The following ZNF362 variants were observed in gnomAD, a reference collection of about 807,000 sequenced individuals.
ZNF362 encodes rotund homolog.
In ZNF362, 11 loss-of-function variants were observed where a neutral mutation model predicts 42.9. The observed-to-expected ratio is 0.26, with a 90% CI of 0.16 to 0.42. The LOEUF (loss-of-function observed/expected upper bound fraction) is 0.42. ZNF362 is among the 20% of genes least tolerant of loss of function. The pLI is 1.00. For synonymous variants in ZNF362, 255 were observed against 257.3 expected, an observed-to-expected ratio of 0.99 and a Z score of 0.09; for missense variants, 362 against 576.2, an observed-to-expected ratio of 0.63 and a Z score of 3.81.
rs912972391 is a variant in ZNF362 at position 33,280,987 on chromosome 1, C to T, written c.683+530C>T. On this transcript the variant is annotated intron_variant, in intron 5 of 8. Coordinates refer to ENST00000539719, the MANE Select transcript of ZNF362 (RefSeq NM_152493.3). The surrounding 1 kb of genome is among the most constrained non-coding windows in gnomAD (Gnocchi z 5.6). ...AGGAGGCTGAGGCAAGAGAATAACT[C>T]GAACTTGGGAGGCAGAGGCTGCAGT... 7.2e-5 allele frequency among the ~76,000 whole-genome samples: 11 copies of T among 152,056 alleles called. No homozygotes were observed. The highest frequency in any genetic ancestry group is 2.2e-4 in the African/African-American group (9 of 41,408).
At chr1:33,223,376 G>A in the ZNF362 span, among the ~76,000 whole-genome samples, 7 of 152,190 alleles carry the variant, frequency 4.6e-5, no homozygotes, top group Admixed American at 1.3e-4. Flanking sequence ...CCCCACCCAC[G>A]TGGAACTGTA....
the ZNF362 span, chr1:33,146,450 G>C: frequency 6.3e-6 from 1 of 159,224 alleles, no homozygotes; most frequent in African/African-American, 2.4e-5. Flanking sequence ...TTGTCCTGCA[G>C]TTGCTTTTAG....
At chr1:33,187,524 G>A in the ZNF362 span, among the ~76,000 whole-genome samples, 1 of 152,194 alleles carries the variant, frequency 6.6e-6, no homozygotes, top group Admixed American at 6.5e-5. Flanking sequence ...AGACCCCACT[G>A]CTGTAGTTGG....
At chr1:33,267,433 A>G (rs1447174371) in intron 1 of ZNF362, among the ~76,000 whole-genome samples, 1 of 152,162 alleles carries the variant, frequency 6.6e-6, no homozygotes, top group Non-Finnish European at 1.5e-5. Context: ...TGCTCCATCT[A>G]TACATGCAGT....
upstream of ZNF362, among the ~76,000 whole-genome samples, chr1:33,254,207 A>G (rs902276869): frequency 4.0e-5 from 6 of 151,896 alleles, no homozygotes; most frequent in Non-Finnish European, 8.8e-5. Flanking sequence ...GCTCACTGCA[A>G]CTTCCACCTC....
the ZNF362 span, among the ~76,000 whole-genome samples, chr1:33,187,267 T>G: frequency 6.6e-6 from 1 of 152,312 alleles, no homozygotes; most frequent in South Asian, 2.1e-4. Context: ...TTAGCTACCA[T>G]GTGGATGCTG....
chr1:33,275,967 T>C (rs1570394269), intron 2 of ZNF362, 133 bp from the exon 3 acceptor site: 1 of 931,154 alleles, frequency 1.1e-6, no homozygotes, highest in East Asian at 2.5e-5. Flanking sequence ...CCTGCTGTGC[T>C]GTGAGGCTGG....
chr1:33,204,486 A>C, the ZNF362 span, among the ~76,000 whole-genome samples: 1 of 152,286 alleles, frequency 6.6e-6, no homozygotes, highest in African/African-American at 2.4e-5. Flanking sequence ...AAATTTTAGA[A>C]TTGCTTTTCC....
At chr1:33,268,839 C>T (rs1317683301) in intron 1 of ZNF362, among the ~76,000 whole-genome samples, 1 of 152,138 alleles carries the variant, frequency 6.6e-6, no homozygotes, top group South Asian at 2.1e-4. Flanking sequence ...AAGTAGGGAG[C>T]TATGGAGGGT....
the ZNF362 span, among the ~76,000 whole-genome samples, chr1:33,248,896 C>T: frequency 6.6e-6 from 1 of 152,210 alleles, no homozygotes; most frequent in Non-Finnish European, 1.5e-5. Context: ...TTATGGATCA[C>T]CCCCACACTT....
chr1:33,188,453 G>A, the ZNF362 span, among the ~76,000 whole-genome samples: 1 of 152,164 alleles, frequency 6.6e-6, no homozygotes, highest in Non-Finnish European at 1.5e-5. Context: ...GCACACCCTG[G>A]GAACTCTGAG....
chr1:33,223,121 T>A, the ZNF362 span, among the ~76,000 whole-genome samples: 2 of 152,002 alleles, frequency 1.3e-5, no homozygotes, highest in South Asian at 4.2e-4. Context: ...TGTTGTGGCG[T>A]GTGCCTGTAG....
intron 1 of ZNF362, among the ~76,000 whole-genome samples, chr1:33,269,682 A>G (rs557664212): frequency 6.6e-6 from 1 of 152,302 alleles, no homozygotes; most frequent in East Asian, 1.9e-4. Context: ...GATTACAGGC[A>G]TGAACCATGC....
the ZNF362 span, among the ~76,000 whole-genome samples, chr1:33,168,776 G>A: frequency 6.6e-6 from 1 of 151,702 alleles, no homozygotes; most frequent in Non-Finnish European, 1.5e-5. Context: ...TCCAGCCTGG[G>A]ACACAGTGTG....
chr1:33,268,114 C>G (rs1645877102), intron 1 of ZNF362, among the ~76,000 whole-genome samples: 1 of 152,234 alleles, frequency 6.6e-6, no homozygotes, highest in African/African-American at 2.4e-5. Context: ...TGTTTATTAG[C>G]TGTTAACATC....
the ZNF362 span, among the ~76,000 whole-genome samples, chr1:33,134,969 T>A: frequency 2.6e-5 from 4 of 152,162 alleles, no homozygotes; most frequent in African/African-American, 9.7e-5. Context: ...CACATAAATA[T>A]GACCACCCTC....
At chr1:33,244,742 A>G in the ZNF362 span, among the ~76,000 whole-genome samples, 1 of 152,220 alleles carries the variant, frequency 6.6e-6, no homozygotes, top group East Asian at 1.9e-4. This position sits in a 1 kb window ranked among gnomAD's most constrained non-coding sequence, Gnocchi z 4.0. Flanking sequence ...GGAGATCATG[A>G]GAGCTGCCTC....
chr1:33,211,959 C>A, the ZNF362 span, among the ~76,000 whole-genome samples: 1 of 152,070 alleles, frequency 6.6e-6, no homozygotes, highest in African/African-American at 2.4e-5. Flanking sequence ...ATCTGTGTCC[C>A]CACCCAAATC....
chr1:33,207,651 C>T, the ZNF362 span, among the ~76,000 whole-genome samples: 8 of 152,222 alleles, frequency 5.3e-5, no homozygotes, highest in South Asian at 2.1e-4. Context: ...TTCTAACTGG[C>T]GTGAGATGGT....
Sources: allele counts gnomAD v4.1 joint callset (sites outside exome capture counted in the v4.1 genomes callset), GRCh38; gene constraint gnomAD v4.1.1; non-coding constraint Gnocchi (gnomAD v3.1); transcripts MANE v1.5; gene names NCBI Gene and HGNC (gene_info 2026-07-23, HGNC 2026-07-21).